Variants in WDR19 observed in about 807,000 individuals in gnomAD.
WDR19 encodes the protein WD repeat domain 19.
WDR19 carries 121 observed loss-of-function variants against 180.0 expected under a neutral mutation model. The ratio of observed to expected loss-of-function variants is 0.67; its 90% CI spans 0.58 to 0.78. WDR19 has a LOEUF of 0.78. Among genes scored for constraint, WDR19 ranks in the 30% least tolerant of loss-of-function variants. WDR19 has a pLI of 0.00. For missense variants in WDR19, 1,450 were observed against 1,640.7 expected, an observed-to-expected ratio of 0.88 and a Z score of 2.01; for synonymous variants, 497 against 540.7, an observed-to-expected ratio of 0.92 and a Z score of 1.12.
chr4:39,229,415 G>C (rs1327762323), intron 17 of WDR19, among the ~76,000 whole-genome samples: 1 of 152,142 alleles, frequency 6.6e-6, no homozygotes, highest in Non-Finnish European at 1.5e-5. Flanking sequence ...TACAAGAAAA[G>C]CCCTTAAGAA....
intron 36 of WDR19, among the ~76,000 whole-genome samples, chr4:39,283,507 C>T (rs928478568): frequency 3.3e-5 from 5 of 151,710 alleles, no homozygotes; most frequent in African/African-American, 1.2e-4. Context: ...TTCTATTTGA[C>T]TAAATATTTT....
At position 39,217,974 on chromosome 4, in the gene WDR19, A is replaced by G. The variant is rs1729248148; in HGVS notation, c.1357-9A>G. 3 of 1,613,238 alleles carry G rather than the reference A, an allele frequency of 1.9e-6. No homozygotes were observed. Among genetic ancestry groups the G allele is most frequent in the Non-Finnish European group, 2.5e-6 (3 of 1,179,588 alleles). On this transcript the variant is annotated splice_polypyrimidine_tract_variant and intron_variant, in intron 13 of 36. Coordinates refer to ENST00000399820, the MANE Select transcript of WDR19 (RefSeq NM_025132.4). ...AATCTGTGAGCCATTATTATTCTTTACGTTTTAGATAGAAAGCGAAATCTT... is the reference window on the plus strand; with the variant it reads ...AATCTGTGAGCCATTATTATTCTTTGCGTTTTAGATAGAAAGCGAAATCTT...
chr4:39,275,515 A>G (rs1287716815), intron 33 of WDR19, among the ~76,000 whole-genome samples: 2 of 152,190 alleles, frequency 1.3e-5, no homozygotes, highest in Non-Finnish European at 2.9e-5. Context: ...CCCGTCTTCC[A>G]GCTTTGACAT....
Position 39,195,395 on chromosome 4 carries a change from CA to C in WDR19, c.406+745del, listed in dbSNP as rs11392579. On this transcript the variant is annotated intron_variant, in intron 5 of 36. Transcript: ENST00000399820. ...AAAAAAAAACAAAAAAACAAACAAA[CA>C]AAAAAAAACATTTACTGCTTGGATA... Among the ~76,000 whole-genome samples the C allele has an allele frequency of 3.7e-4, 51 of 139,268 alleles. 2 individuals carry two copies. The highest frequency in any genetic ancestry group is 1.5e-3 in the African/African-American group (50 of 34,018). 91.4% of individuals were successfully genotyped at this position (139,268 alleles called of 152,430 possible).
At chr4:39,242,549 C>A (rs1732066582) in intron 21 of WDR19, among the ~76,000 whole-genome samples, 1 of 152,140 alleles carries the variant, frequency 6.6e-6, no homozygotes, top group African/African-American at 2.4e-5. Flanking sequence ...AGGCTAGACA[C>A]AATGGCTCAT....
At chr4:39,192,562 C>G (rs28437497) in intron 4 of WDR19, among the ~76,000 whole-genome samples, 1 of 151,834 alleles carries the variant, frequency 6.6e-6, no homozygotes, top group African/African-American at 2.4e-5. Context: ...CTCTACCTCC[C>G]GGGTCAAAGC....
Position 39,187,419 on chromosome 4 carries a change from C to CAA in WDR19, c.164+833_164+834dup, listed in dbSNP as rs71192832. Among the ~76,000 whole-genome samples the CAA allele has an allele frequency of 5.9e-3, 377 of 63,494 alleles. 4 individuals carry two copies. Among genetic ancestry groups the CAA allele is most frequent in the African/African-American group, 0.016 (252 of 15,476 alleles). 41.7% of individuals were successfully genotyped at this position (63,494 alleles called of 152,430 possible). A position where few individuals can be genotyped will look rare whatever the true frequency, so the allele number is the denominator to read the frequency against. On this transcript the variant is annotated intron_variant, in intron 3 of 36. Coordinates refer to ENST00000399820, the MANE Select transcript of WDR19 (RefSeq NM_025132.4). ...TGGGTGACAGAACGAGACTCCATCT[C>CAA]AAAAAAAAAAAAAAAAAAAGATGTA...
rs146643682 is a variant in WDR19 at position 39,202,253 on chromosome 4, T to C, written c.523-1389T>C. 2.8e-3 allele frequency among the ~76,000 whole-genome samples: 427 copies of C among 152,330 alleles called. 18 individuals carry two copies. The East Asian group carries it at 0.07, about 25-fold the overall frequency. ...TGATTTCCTCATATTAGTTCACATA[T>C]TCTTTCTTCAAATTTGTCTAATCAT... On this transcript the variant is annotated intron_variant, in intron 6 of 36. Transcript: ENST00000399820.
intron 28 of WDR19, among the ~76,000 whole-genome samples, chr4:39,261,545 A>C (rs186168195): frequency 6.5e-4 from 99 of 152,322 alleles, no homozygotes; most frequent in Non-Finnish European, 1.0e-3. Context: ...TTGCAGGTTT[A>C]ATCAACTGGT....
intron 27 of WDR19, among the ~76,000 whole-genome samples, chr4:39,257,126 C>G (rs1227023102): frequency 6.6e-6 from 1 of 152,174 alleles, no homozygotes; most frequent in Non-Finnish European, 1.5e-5. Context: ...CCATACCATT[C>G]CTGGTATTCT....
chr4:39,244,121 C>A, intron 21 of WDR19, 127 bp from the exon 22 acceptor site: 3 of 1,122,560 alleles, frequency 2.7e-6, no homozygotes, highest in Non-Finnish European at 3.5e-6. Flanking sequence ...AATCATGAGG[C>A]TTCCCTGAAA....
At position 39,278,076 on chromosome 4, in the gene WDR19, CAG is replaced by C. The variant is rs946710224; in HGVS notation, c.3841-54_3841-53del. On this transcript the variant is annotated intron_variant, in intron 34 of 36. Coordinates refer to ENST00000399820, the MANE Select transcript of WDR19 (RefSeq NM_025132.4). ...CAAAAAAAAAAAAAAAATTGACTAA[CAG>C]TGGGAGTTTTTAAAATAAAGATGAA... 9.3e-6 allele frequency: 13 copies of C among 1,404,866 alleles called. No homozygotes were observed. The African/African-American group carries it at 1.8e-4, about 19-fold the overall frequency. 87.0% of individuals were successfully genotyped at this position (1,404,866 alleles called of 1,614,324 possible).
Position 39,283,538 on chromosome 4 carries a change from T to C in WDR19, c.*14-1949T>C, listed in dbSNP as rs549535010. 1.2e-4 allele frequency among the ~76,000 whole-genome samples: 19 copies of C among 152,272 alleles called. No individual in the cohort carries two copies. In the South Asian group the frequency reaches 3.3e-3, roughly 27 times the overall value. On this transcript the variant is annotated intron_variant, in intron 36 of 36. Transcript: ENST00000399820. ...ATTTTTTCGTATTTCATTTGATTCTTCTATTGACTTTTTACCTATGTTTTT... is the reference window on the plus strand; with the variant it reads ...ATTTTTTCGTATTTCATTTGATTCTCCTATTGACTTTTTACCTATGTTTTT...
intron 24 of WDR19, among the ~76,000 whole-genome samples, chr4:39,247,088 C>G (rs866974327): frequency 4.6e-5 from 7 of 152,234 alleles, no homozygotes; most frequent in African/African-American, 1.7e-4. Flanking sequence ...AGTAGCCTAA[C>G]TGGGAGGCAC....
At chr4:39,185,427 T>A (rs1020547645) in intron 1 of WDR19, among the ~76,000 whole-genome samples, 1 of 152,190 alleles carries the variant, frequency 6.6e-6, no homozygotes, top group Non-Finnish European at 1.5e-5. Context: ...TACAAAACAC[T>A]AAAATTACAT....
intron 26 of WDR19, among the ~76,000 whole-genome samples, chr4:39,255,081 G>A (rs776979059): frequency 1.3e-3 from 200 of 152,242 alleles, no homozygotes; most frequent in Non-Finnish European, 2.1e-3. Context: ...TTAAAAAAAA[G>A]AAAAGGAGTA....
At chr4:39,217,889 G>A (rs1183349314) in intron 13 of WDR19, 94 bp from the exon 14 acceptor site, 1 of 1,482,582 alleles carries the variant, frequency 6.7e-7, no homozygotes, top group Non-Finnish European at 9.1e-7. Context: ...GAGCCTGAAT[G>A]TTTAGGTGAA....
intron 24 of WDR19, among the ~76,000 whole-genome samples, chr4:39,251,911 G>A (rs1733237452): frequency 6.6e-6 from 1 of 152,154 alleles, no homozygotes; most frequent in Non-Finnish European, 1.5e-5. Flanking sequence ...CTGTTGGTGG[G>A]ACTGTAAACT....
intron 6 of WDR19, among the ~76,000 whole-genome samples, chr4:39,201,320 T>C (rs1345896704): frequency 6.6e-6 from 1 of 152,222 alleles, no homozygotes; most frequent in East Asian, 1.9e-4. Flanking sequence ...GGACTTGATC[T>C]GCAAGATGCA....
Sources: allele counts gnomAD v4.1 joint callset (sites outside exome capture counted in the v4.1 genomes callset), GRCh38; gene constraint gnomAD v4.1.1; transcripts MANE v1.5; gene names NCBI Gene and HGNC (gene_info 2026-07-23, HGNC 2026-07-21).